HMGA2: variants seen among roughly 807,000 people sequenced by gnomAD.
HMGA2 encodes the protein high mobility group AT-hook 2, also known as high mobility group protein HMGI-C.
A neutral mutation model predicts 19.1 loss-of-function variants in HMGA2; 8 were observed. That is an observed-to-expected ratio of 0.42 (90% CI 0.25 to 0.76). HMGA2 has a LOEUF of 0.76. Ranked by LOEUF, HMGA2 falls within the 30% of genes least tolerant of loss-of-function variation. The probability of loss-of-function intolerance (pLI) is 0.28; values close to 1 mark genes in which losing one functional copy is unlikely to be tolerated. For synonymous variants in HMGA2, 60 were observed against 48.8 expected (o/e 1.23, Z -0.96); for missense variants, 109 against 136.3 (o/e 0.80, Z 1.00).
chr12:65,955,254 T>C (rs1424951027), intron 4 of HMGA2: 5 of 152,190 alleles, frequency 3.3e-5, no homozygotes, highest in Non-Finnish European at 5.9e-5. Flanking sequence ...CTCAGTCATA[T>C]GAATTACATT....
intron 2 of HMGA2, among the ~76,000 whole-genome samples, chr12:65,834,651 C>G (rs1870634331): frequency 6.7e-6 from 1 of 149,182 alleles, no homozygotes; most frequent in Non-Finnish European, 1.5e-5. Flanking sequence ...TCCTTCCCTT[C>G]CTTCAACAAG....
At chr12:65,882,811 G>A (rs959909750) in intron 3 of HMGA2, among the ~76,000 whole-genome samples, 2 of 152,206 alleles carry the variant, frequency 1.3e-5, no homozygotes, top group South Asian at 2.1e-4. Context: ...AGAAACGATA[G>A]GGAGTTGTTC....
At position 65,861,328 on chromosome 12, in the gene HMGA2, C is replaced by T. The variant is rs796293620; in HGVS notation, c.249+22759C>T. On this transcript the variant is annotated intron_variant, in intron 3 of 4. Transcript: ENST00000403681. ...TTGCAGTGAGCCCAGATCGTGCCAC[C>T]GCACCTCCAGCCTGGCGACAGAGCA... Among the ~76,000 whole-genome samples the T allele has an allele frequency of 5.3e-5, 8 of 151,950 alleles. No homozygotes were observed. The East Asian group carries it at 9.7e-4, about 18-fold the overall frequency.
At chr12:65,919,422 T>C (rs75184762) in intron 3 of HMGA2, among the ~76,000 whole-genome samples, 1 of 152,244 alleles carries the variant, frequency 6.6e-6, no homozygotes, top group African/African-American at 2.4e-5. Flanking sequence ...ACTTTCCTAT[T>C]CTGCTCTTGC....
intron 3 of HMGA2, among the ~76,000 whole-genome samples, chr12:65,940,405 G>A (rs1876051730): frequency 6.6e-6 from 1 of 152,054 alleles, no homozygotes; most frequent in African/African-American, 2.4e-5. Context: ...GTATTCTAGT[G>A]CTGATTTGTC....
At chr12:65,892,857 G>T (rs1873969039) in intron 3 of HMGA2, among the ~76,000 whole-genome samples, 1 of 152,268 alleles carries the variant, frequency 6.6e-6, no homozygotes, top group African/African-American at 2.4e-5. Flanking sequence ...CTGGAAGGGG[G>T]CTGACTTCAA....
At chr12:65,937,080 A>G (rs752179191) in intron 3 of HMGA2, among the ~76,000 whole-genome samples, 3 of 152,218 alleles carry the variant, frequency 2.0e-5, no homozygotes, top group Non-Finnish European at 2.9e-5. Flanking sequence ...AAGAGCAACT[A>G]CAATCAAAGA....
chr12:65,860,668 A>G (rs1872011442), intron 3 of HMGA2, among the ~76,000 whole-genome samples: 1 of 152,226 alleles, frequency 6.6e-6, no homozygotes, highest in Non-Finnish European at 1.5e-5. Context: ...CATTCCCACA[A>G]AATGATTTCT....
At chr12:65,888,149 G>A (rs1873738310) in intron 3 of HMGA2, among the ~76,000 whole-genome samples, 1 of 152,034 alleles carries the variant, frequency 6.6e-6, no homozygotes, top group Admixed American at 6.5e-5. Context: ...GCACAAATAT[G>A]TTCTTAAAAG....
At chr12:65,843,734 T>A (rs1261039249) in intron 3 of HMGA2, among the ~76,000 whole-genome samples, 1 of 151,976 alleles carries the variant, frequency 6.6e-6, no homozygotes, top group Non-Finnish European at 1.5e-5. Flanking sequence ...AACTTTTAGC[T>A]GTTTGTAATT....
chr12:65,824,978 C>T lies in HMGA2; in HGVS notation c.-293C>T, dbSNP rs915485466. 5 of 407,354 alleles carry T rather than the reference C, an allele frequency of 1.2e-5. No individual in the cohort carries two copies. The highest frequency in any genetic ancestry group is 6.3e-5 in the African/African-American group (3 of 47,798). The allele number at this position is 407,354 out of a possible 1,614,324, so 25.2% of individuals were successfully genotyped here. On this transcript the variant is annotated 5_prime_UTR_variant, in exon 1 of 5. Transcript: ENST00000403681. ...TCCCTCCTCCTCTTGCTACCTCCAC[C>T]TCCACCGCCACCTCCACCTCCGGCA... is the stretch of plus-strand genomic sequence containing the variant.
chr12:65,917,708 G>T (rs1374365291), intron 3 of HMGA2, among the ~76,000 whole-genome samples: 1 of 152,202 alleles, frequency 6.6e-6, no homozygotes, highest in Non-Finnish European at 1.5e-5. Context: ...AAAAAGGCTG[G>T]AGTTTCCTGG....
At chr12:65,909,861 T>TG (rs1200898021) in intron 3 of HMGA2, among the ~76,000 whole-genome samples, 1 of 152,234 alleles carries the variant, frequency 6.6e-6, no homozygotes, top group Non-Finnish European at 1.5e-5. Context: ...CAAACCCAGC[T>TG]GTTCAGGTGG....
chr12:65,918,418 G>A (rs572790423), intron 3 of HMGA2, among the ~76,000 whole-genome samples: 1 of 152,248 alleles, frequency 6.6e-6, no homozygotes, highest in South Asian at 2.1e-4. Flanking sequence ...GAGAAAACTT[G>A]GTGGTGGCGT....
Position 65,875,589 on chromosome 12 carries a change from A to ATTT in HMGA2, c.249+37059_249+37061dup, listed in dbSNP as rs71096056. On this transcript the variant is annotated intron_variant, in intron 3 of 4. Transcript: ENST00000403681. ...CGGGCATATGCCACCGTGCCCGGCT[A>ATTT]TTTTTTTTTTTTTTTTTTTTTTTTT... Among the ~76,000 whole-genome samples, 74 of 26,104 alleles carry ATTT rather than the reference A, an allele frequency of 2.8e-3. 18 individuals carry two copies. Among genetic ancestry groups the ATTT allele is most frequent in the Non-Finnish European group, 4.2e-3 (49 of 11,766 alleles). 17.1% of individuals were successfully genotyped at this position (26,104 alleles called of 152,430 possible).
At chr12:65,915,221 C>T in intron 3 of HMGA2, 1 of 1,595,126 alleles carries the variant, frequency 6.3e-7, no homozygotes, top group African/African-American at 1.3e-5. Context: ...GTGTGGCTTT[C>T]TCCGATATAG....
intron 3 of HMGA2, among the ~76,000 whole-genome samples, chr12:65,873,635 T>A (rs1872820442): frequency 6.6e-6 from 1 of 152,238 alleles, no homozygotes; most frequent in Non-Finnish European, 1.5e-5. Flanking sequence ...ACATGTGTTT[T>A]ATGATGTGTA....
chr12:65,962,771 T>G (rs556750053), intron 4 of HMGA2, among the ~76,000 whole-genome samples: 1 of 152,316 alleles, frequency 6.6e-6, no homozygotes, highest in African/African-American at 2.4e-5. Context: ...CCTAAGCATC[T>G]GGTAAGCACT....
intron 3 of HMGA2, among the ~76,000 whole-genome samples, chr12:65,863,666 T>A (rs1410195462): frequency 6.6e-6 from 1 of 152,216 alleles, no homozygotes; most frequent in Non-Finnish European, 1.5e-5. Flanking sequence ...AAGTCCTGAA[T>A]GGTTTTCCCA....
Sources: allele counts gnomAD v4.1 joint callset (sites outside exome capture counted in the v4.1 genomes callset), GRCh38; gene constraint gnomAD v4.1.1; transcripts MANE v1.5; gene names NCBI Gene and HGNC (gene_info 2026-07-23, HGNC 2026-07-21).